Variants in PRKN observed in about 807,000 individuals in gnomAD.
The protein encoded by PRKN is parkin RBR E3 ubiquitin protein ligase.
Under a neutral mutation model 59.5 loss-of-function variants are expected in PRKN, and 56 were observed. The observed-to-expected ratio is 0.94, with a 90% CI of 0.76 to 1.18. The LOEUF is 1.18. Ranked by LOEUF, PRKN falls within the 50% of genes most tolerant of loss-of-function variation. The pLI, the probability that PRKN is intolerant of heterozygous loss-of-function variation, is 0.00. For synonymous variants in PRKN, 250 were observed against 222.1 expected, an observed-to-expected ratio of 1.13 and a Z score of -1.12; for missense variants, 657 against 596.4, an observed-to-expected ratio of 1.10 and a Z score of -1.06.
At chr6:162,008,408 A>G (rs1782346300) in intron 5 of PRKN, among the ~76,000 whole-genome samples, 1 of 152,160 alleles carries the variant, frequency 6.6e-6, no homozygotes, top group Non-Finnish European at 1.5e-5. Context: ...CAGCTACAAA[A>G]GAAAATGGAG....
intron 2 of PRKN, among the ~76,000 whole-genome samples, chr6:162,280,796 CA>C (rs35943173): frequency 0.088 from 3,611 of 40,914 alleles, 20 homozygotes; most frequent in African/African-American, 0.17. Flanking sequence ...GACTCCATCT[CA>C]AAAAAAAAAA....
At chr6:161,504,392 C>T (rs1447744444) in intron 9 of PRKN, among the ~76,000 whole-genome samples, 1 of 152,250 alleles carries the variant, frequency 6.6e-6, no homozygotes, top group African/African-American at 2.4e-5. Flanking sequence ...CAGGGCGGGT[C>T]GGAAACCTCA....
intron 2 of PRKN, among the ~76,000 whole-genome samples, chr6:162,329,217 T>C (rs756670229): frequency 6.6e-6 from 1 of 151,988 alleles, no homozygotes; most frequent in Non-Finnish European, 1.5e-5. Flanking sequence ...ATAAATGCAG[T>C]GTGTGAGTGA....
intron 2 of PRKN, among the ~76,000 whole-genome samples, chr6:162,378,085 C>T (rs1008676): frequency 0.21 from 31,446 of 152,042 alleles, 3,471 homozygotes; most frequent in Middle Eastern, 0.26. Context: ...TTTAACATCA[C>T]GAAATCAAGC....
intron 9 of PRKN, among the ~76,000 whole-genome samples, chr6:161,520,480 G>A (rs180679069): frequency 6.1e-4 from 92 of 151,880 alleles, no homozygotes; most frequent in African/African-American, 2.2e-3. Flanking sequence ...CACCCACCTC[G>A]GCCTTTCAAA....
chr6:162,314,748 T>A (rs899358307), intron 2 of PRKN, among the ~76,000 whole-genome samples: 4 of 152,178 alleles, frequency 2.6e-5, no homozygotes, highest in Non-Finnish European at 5.9e-5. Context: ...AATATTTCTT[T>A]AGAGCTTTGC....
intron 3 of PRKN, among the ~76,000 whole-genome samples, chr6:162,213,804 TACACACAC>T (rs58192789): frequency 0.067 from 8,451 of 126,406 alleles, 306 homozygotes; most frequent in Non-Finnish European, 0.077. Flanking sequence ...AAAAAAACCA[TACACACAC>T]ACACACACAC....
rs546242899 is a variant in PRKN at position 161,896,899 on chromosome 6, C to T, written c.734+76403G>A. Among the ~76,000 whole-genome samples, 11 of 152,254 alleles carry T rather than the reference C, an allele frequency of 7.2e-5. 1 individual carries two copies. The highest frequency in any genetic ancestry group is 1.7e-4 in the African/African-American group (7 of 41,536). ...AATATTCAGAGGACAGAAGAAAACC[C>T]GTCATTGTTGTAGAAAGGCGTGTTC... On this transcript the variant is annotated intron_variant, in intron 6 of 11. Coordinates refer to ENST00000366898, the MANE Select transcript of PRKN (RefSeq NM_004562.3).
At chr6:162,229,731 T>G (rs1778341125) in intron 3 of PRKN, among the ~76,000 whole-genome samples, 1 of 152,198 alleles carries the variant, frequency 6.6e-6, no homozygotes, top group Non-Finnish European at 1.5e-5. Flanking sequence ...ATTGCACAGC[T>G]AGTTCCCTCA....
rs1021249302 is a variant in PRKN, at chr6:161,527,590, T to C, written c.1083+21264A>G. Among the ~76,000 whole-genome samples, 6 of 152,204 alleles carry C rather than the reference T, an allele frequency of 3.9e-5. No homozygotes were observed. The East Asian group carries it at 7.7e-4, about 20-fold the overall frequency. ...GTGAGGAACATCTGCCCATGGGTAG[T>C]AGCACCTTGTAAAATCTAAAAGGTG... On this transcript the variant is annotated intron_variant, in intron 9 of 11. Transcript: ENST00000366898. The surrounding 1 kb of genome is among the most constrained non-coding windows in gnomAD (Gnocchi z 4.6).
intron 5 of PRKN, among the ~76,000 whole-genome samples, chr6:162,004,389 C>A (rs1437696392): frequency 1.3e-5 from 2 of 152,188 alleles, no homozygotes; most frequent in Admixed American, 1.3e-4. Context: ...GCCTGCAGAA[C>A]CATGAGCCAA....
chr6:161,680,766 TATATATA>T lies in PRKN; in HGVS notation c.871+104999_871+105005del, dbSNP rs1158173097. Among the ~76,000 whole-genome samples the T allele has an allele frequency of 4.1e-3, 78 of 19,232 alleles. 2 individuals are homozygous for T. Among genetic ancestry groups the T allele is most frequent in the African/African-American group, 6.7e-3 (44 of 6,590 alleles). The allele number at this position is 19,232 out of a possible 152,430, so 12.6% of individuals were successfully genotyped here. On this transcript the variant is annotated intron_variant, in intron 7 of 11. Coordinates refer to ENST00000366898, the MANE Select transcript of PRKN (RefSeq NM_004562.3). Reference sequence around the variant, plus strand: ...ATATATATATATATATATATATATATATATATATATTTTTTTTTTTTTTTCTTTTCCT... The same window carrying T: ...ATATATATATATATATATATATATATTATTTTTTTTTTTTTTTCTTTTCCT...
chr6:161,561,636 C>T lies in PRKN; in HGVS notation c.933+7719G>A, dbSNP rs562278759. 2.6e-5 allele frequency among the ~76,000 whole-genome samples: 4 copies of T among 152,262 alleles called. No homozygotes were observed. Among genetic ancestry groups the T allele is most frequent in the South Asian group, 2.1e-4 (1 of 4,822 alleles). ...AAGTGGCCTTCCTCCTGTTAGGGGCCGATTCCTCCCTCTCTGCTGGATCTG... is the reference window on the plus strand; with the variant it reads ...AAGTGGCCTTCCTCCTGTTAGGGGCTGATTCCTCCCTCTCTGCTGGATCTG... On this transcript the variant is annotated intron_variant, in intron 8 of 11. Coordinates refer to ENST00000366898, the MANE Select transcript of PRKN (RefSeq NM_004562.3). The surrounding 1 kb of genome is among the most constrained non-coding windows in gnomAD (Gnocchi z 5.0).
rs35435523 is a variant in PRKN, at chr6:161,439,958, G to GTT, written c.1084-53083_1084-53082dup. 4.8e-5 allele frequency among the ~76,000 whole-genome samples: 7 copies of GTT among 144,594 alleles called. No individual in the cohort carries two copies. In the East Asian group the frequency reaches 8.1e-4, roughly 17 times the overall value. 94.9% of individuals were successfully genotyped at this position (144,594 alleles called of 152,430 possible). A position where few individuals can be genotyped will look rare whatever the true frequency, so the allele number is the denominator to read the frequency against. On this transcript the variant is annotated intron_variant, in intron 9 of 11. Transcript: ENST00000366898. The stretch of plus-strand genomic sequence containing the variant: ...TGTTTTTTGTTTTGTTTTGTTTTTT[G>GTT]TTTTTTTTTTTTGACGGAGTCTCAC...
chr6:161,714,429 T>A (rs1281777540), intron 7 of PRKN, among the ~76,000 whole-genome samples: 2 of 152,188 alleles, frequency 1.3e-5, no homozygotes, highest in Admixed American at 1.3e-4. Context: ...CCTTTTGCCA[T>A]GTGAAGACAC....
intron 7 of PRKN, among the ~76,000 whole-genome samples, chr6:161,631,831 T>C (rs1436453933): frequency 6.6e-6 from 1 of 151,934 alleles, no homozygotes; most frequent in Non-Finnish European, 1.5e-5. Flanking sequence ...TTTTATTCAT[T>C]GGAAATTTGC....
In PRKN at chr6:161,562,093, C is replaced by T. The variant is rs1354124486; in HGVS notation, c.933+7262G>A. Among the ~76,000 whole-genome samples the T allele has an allele frequency of 6.7e-6, 1 of 150,010 alleles. No individual in the cohort carries two copies. Among genetic ancestry groups the T allele is most frequent in the East Asian group, 2.0e-4 (1 of 5,012 alleles). ...TAAATCAGCATTCCTCCTCTGGAAG[C>T]CCCACCTTCTCAGCTTCCCAAACAC... On this transcript the variant is annotated intron_variant, in intron 8 of 11. Transcript: ENST00000366898. The surrounding 1 kb of genome is among the most constrained non-coding windows in gnomAD (Gnocchi z 4.3).
chr6:161,966,578 C>T (rs564760726), intron 6 of PRKN, among the ~76,000 whole-genome samples: 1 of 152,272 alleles, frequency 6.6e-6, no homozygotes, highest in Admixed American at 6.5e-5. Context: ...AGCTATTTTG[C>T]CTTCAAGTGC....
intron 5 of PRKN, among the ~76,000 whole-genome samples, chr6:162,021,461 A>ATATATAT (rs59250759): frequency 6.6e-3 from 163 of 24,650 alleles, no homozygotes; most frequent in Non-Finnish European, 0.014. Flanking sequence ...ATATATATAT[A>ATATATAT]TTTTTTTTTT....
Sources: gnomAD v4.1 joint callset for allele counts (sites outside exome capture counted in the v4.1 genomes callset) on GRCh38, gnomAD v4.1.1 for gene constraint, Gnocchi (gnomAD v3.1) non-coding constraint, MANE v1.5 for transcripts, NCBI Gene and HGNC (gene_info 2026-07-23, HGNC 2026-07-21) for gene names.